Variants in SEMA6A observed in about 807,000 individuals in gnomAD.
The protein encoded by SEMA6A is semaphorin-6A.
In SEMA6A, 25 loss-of-function variants were observed where a neutral mutation model predicts 96.8. The observed-to-expected ratio is 0.26, with a 90% CI of 0.19 to 0.36. SEMA6A has a LOEUF of 0.36. Ranked by LOEUF, SEMA6A falls within the 10% of genes least tolerant of loss-of-function variation. The pLI, the probability that SEMA6A is intolerant of heterozygous loss-of-function variation, is 1.00. For synonymous variants in SEMA6A, 612 were observed against 518.0 expected, an observed-to-expected ratio of 1.18 and a Z score of -2.46; for missense variants, 1,363 against 1,323.1, an observed-to-expected ratio of 1.03 and a Z score of -0.47.
At chr5:116,489,492 G>C (rs1443189053) in intron 7 of SEMA6A, among the ~76,000 whole-genome samples, 1 of 152,024 alleles carries the variant, frequency 6.6e-6, no homozygotes, top group East Asian at 1.9e-4. Context: ...GAAGAGAGAG[G>C]GTTCATAAGC....
At chr5:116,478,390 T>C (rs1756577432) in intron 13 of SEMA6A, 152 bp downstream of exon 13, 1 of 887,086 alleles carries the variant, frequency 1.1e-6, no homozygotes, top group Non-Finnish European at 1.7e-6. Context: ...AAGGAGAAAA[T>C]AATGCTTTTT....
chr5:116,544,112 A>G (rs763277433), intron 1 of SEMA6A, among the ~76,000 whole-genome samples: 7 of 152,048 alleles, frequency 4.6e-5, no homozygotes, highest in Non-Finnish European at 1.0e-4. Context: ...CACTTCCACT[A>G]TGGGTGGTCT....
rs1754074048 is a variant in SEMA6A, at chr5:116,444,604, G to A, written c.*2009C>T. 6.6e-6 allele frequency: 1 copy of A among 152,570 alleles called. No homozygotes were observed. Among genetic ancestry groups the A allele is most frequent in the Non-Finnish European group, 1.5e-5 (1 of 68,018 alleles). 9.5% of individuals were successfully genotyped at this position (152,570 alleles called of 1,614,324 possible). On this transcript the variant is annotated 3_prime_UTR_variant, in exon 19 of 19. Transcript: ENST00000343348. ...GTCCCTTTTGTGTGCTTGAGCAAAT[G>A]AAAACCAAGAGGAGAAAAACACACA...
chr5:116,551,688 T>C (rs1237872222), intron 1 of SEMA6A, among the ~76,000 whole-genome samples: 1 of 152,164 alleles, frequency 6.6e-6, no homozygotes, highest in Non-Finnish European at 1.5e-5. Context: ...ATAGTTTCAT[T>C]TGCGGACATC....
intron 1 of SEMA6A, among the ~76,000 whole-genome samples, chr5:116,551,664 C>T (rs925918942): frequency 1.3e-5 from 2 of 152,178 alleles, no homozygotes; most frequent in African/African-American, 4.8e-5. Flanking sequence ...CATGCAGTCT[C>T]TTCTCCCATG....
chr5:116,468,260 GTT>G (rs1357787027), intron 17 of SEMA6A: 1 of 153,678 alleles, frequency 6.5e-6, no homozygotes, highest in Non-Finnish European at 1.4e-5. Context: ...AAGTAACTCA[GTT>G]ACTCTGCACC....
chr5:116,460,779 A>T, intron 18 of SEMA6A, among the ~76,000 whole-genome samples: 1 of 118,332 alleles, frequency 8.5e-6, no homozygotes. Context: ...AAAATTGTTA[A>T]TCTCTTTTTT....
chr5:116,533,030 TG>T (rs1345757505), intron 1 of SEMA6A, among the ~76,000 whole-genome samples: 20 of 152,234 alleles, frequency 1.3e-4, no homozygotes, highest in Non-Finnish European at 2.2e-4. Context: ...TGTGTAGGCA[TG>T]GCAGAAATTC....
rs13181662 is a variant in SEMA6A, at chr5:116,529,305, G to C, written c.-38-24323C>G. On this transcript the variant is annotated intron_variant, in intron 1 of 18. Coordinates refer to ENST00000343348, the MANE Select transcript of SEMA6A (RefSeq NM_020796.5). ...GATACAAAAGTACAGCTAGATAGGAGGAATTAATCCTAGTGTTCTATAGCA... is the reference window on the plus strand; with the variant it reads ...GATACAAAAGTACAGCTAGATAGGACGAATTAATCCTAGTGTTCTATAGCA... Among the ~76,000 whole-genome samples the C allele has an allele frequency of 6.3e-3, 961 of 152,168 alleles. 7 individuals carry two copies. The highest frequency in any genetic ancestry group is 0.01 in the Middle Eastern group (3 of 294).
intron 6 of SEMA6A, among the ~76,000 whole-genome samples, chr5:116,493,093 G>T (rs1309949570): frequency 6.6e-6 from 1 of 152,202 alleles, no homozygotes; most frequent in Admixed American, 6.5e-5. Flanking sequence ...ACTGGAGCAT[G>T]TCTCAGCAGG....
At chr5:116,524,764 G>T (rs1231782011) in intron 1 of SEMA6A, among the ~76,000 whole-genome samples, 1 of 22,044 alleles carries the variant, frequency 4.5e-5, no homozygotes, top group Non-Finnish European at 1.6e-4. Context: ...AATTACATGG[G>T]TATGTATACA....
At chr5:116,453,005 A>G (rs867331521) in intron 18 of SEMA6A, among the ~76,000 whole-genome samples, 1 of 152,252 alleles carries the variant, frequency 6.6e-6, no homozygotes, top group Non-Finnish European at 1.5e-5. Flanking sequence ...TTCTGCTTCA[A>G]CAGTGGGCAA....
At chr5:116,504,634 A>C (rs1027044550) in intron 2 of SEMA6A, among the ~76,000 whole-genome samples, 2 of 152,238 alleles carry the variant, frequency 1.3e-5, no homozygotes, top group African/African-American at 4.8e-5. Flanking sequence ...GGCGTTTCAA[A>C]TCCTCACACG....
At chr5:116,498,861 C>A (rs1161800839) in intron 3 of SEMA6A, 1 of 152,164 alleles carries the variant, frequency 6.6e-6, no homozygotes, top group Admixed American at 6.5e-5. Context: ...TAAGTTTGAG[C>A]TGAACATATG....
intron 1 of SEMA6A, among the ~76,000 whole-genome samples, chr5:116,518,705 G>A (rs1758783964): frequency 6.6e-6 from 1 of 152,196 alleles, no homozygotes; most frequent in African/African-American, 2.4e-5. Context: ...GGAGGAAATG[G>A]AGGCACAGAA....
intron 1 of SEMA6A, among the ~76,000 whole-genome samples, chr5:116,517,431 T>TTTAGC (rs1758723807): frequency 6.6e-6 from 1 of 152,186 alleles, no homozygotes; most frequent in Non-Finnish European, 1.5e-5. Flanking sequence ...GTCTCTTAAT[T>TTTAGC]ATTCCACAGT....
rs1755833301 is a variant in SEMA6A at position 116,467,506 on chromosome 5, G to A, written c.1894+77C>T. 7.8e-6 allele frequency: 11 copies of A among 1,417,374 alleles called. 1 individual carries two copies. In the Middle Eastern group the frequency reaches 7.3e-4, roughly 94 times the overall value. 87.8% of individuals were successfully genotyped at this position (1,417,374 alleles called of 1,614,324 possible). ...GTTCCTTAAATGCTGCCAAAATTCA[G>A]CTGGAAGCAGTTACACAGTCCTCCC... On this transcript the variant is annotated intron_variant, in intron 18 of 18. Transcript: ENST00000343348.
intron 18 of SEMA6A, among the ~76,000 whole-genome samples, chr5:116,461,821 T>C (rs1336071430): frequency 2.0e-5 from 3 of 152,200 alleles, no homozygotes; most frequent in African/African-American, 7.2e-5. Context: ...GTCTGGTGTT[T>C]GATATTTCTT....
chr5:116,472,200 A>G (rs1051744223), intron 17 of SEMA6A: 2 of 152,200 alleles, frequency 1.3e-5, no homozygotes, highest in Admixed American at 6.5e-5. Context: ...AACTTCTCAT[A>G]TAAAGAGTTC....
Sources: gnomAD v4.1 joint callset for allele counts (sites outside exome capture counted in the v4.1 genomes callset) on GRCh38, gnomAD v4.1.1 for gene constraint, MANE v1.5 for transcripts, NCBI Gene and HGNC (gene_info 2026-07-23, HGNC 2026-07-21) for gene names.